VPS13A: variants seen among roughly 807,000 people sequenced by gnomAD.
VPS13A encodes the protein vacuolar protein sorting 13 homolog A.
A neutral mutation model predicts 390.9 loss-of-function variants in VPS13A; 264 were observed. The observed-to-expected ratio is 0.68, with a 90% CI of 0.61 to 0.75. The LOEUF is 0.75. Among genes scored for constraint, VPS13A ranks in the 30% least tolerant of loss-of-function variants. The pLI, the probability that VPS13A is intolerant of heterozygous loss-of-function variation, is 0.00. For synonymous variants in VPS13A, 1,231 were observed against 1,227.1 expected (o/e 1.00, Z -0.07); for missense variants, 3,409 against 3,733.9 (o/e 0.91, Z 2.27).
chr9:77,304,073 G>A (rs570015265), intron 34 of VPS13A, among the ~76,000 whole-genome samples: 1 of 152,266 alleles, frequency 6.6e-6, no homozygotes, highest in Non-Finnish European at 1.5e-5. Context: ...TATCATATGG[G>A]GAGAAACCTT....
chr9:77,401,394 A>C (rs543016905), intron 68 of VPS13A, among the ~76,000 whole-genome samples: 1 of 150,194 alleles, frequency 6.7e-6, no homozygotes, highest in African/African-American at 2.5e-5. Flanking sequence ...GAGGGAGTCA[A>C]TAACATCTTT....
At chr9:77,326,308 T>C (rs1051232666) in intron 45 of VPS13A, among the ~76,000 whole-genome samples, 9 of 152,170 alleles carry the variant, frequency 5.9e-5, no homozygotes, top group African/African-American at 2.2e-4. Flanking sequence ...TGATCAACTT[T>C]AGAAAACTTT....
intron 68 of VPS13A, among the ~76,000 whole-genome samples, chr9:77,394,845 T>C (rs1834059066): frequency 6.6e-6 from 1 of 152,228 alleles, no homozygotes; most frequent in African/African-American, 2.4e-5. Flanking sequence ...CAATCTCTGC[T>C]AGCTTCACCT....
intron 68 of VPS13A, among the ~76,000 whole-genome samples, chr9:77,401,901 A>AATC (rs1260869063): frequency 6.6e-6 from 1 of 152,070 alleles, no homozygotes; most frequent in Non-Finnish European, 1.5e-5. Flanking sequence ...GGTTATTGTT[A>AATC]ATCTCTTACT....
At chr9:77,410,148 C>G (rs1834849090) in intron 71 of VPS13A, among the ~76,000 whole-genome samples, 1 of 152,152 alleles carries the variant, frequency 6.6e-6, no homozygotes, top group Non-Finnish European at 1.5e-5. Flanking sequence ...ATTCAGCATT[C>G]TTAAAGAAAA....
intron 63 of VPS13A, among the ~76,000 whole-genome samples, chr9:77,369,783 T>A (rs909791554): frequency 2.0e-5 from 3 of 152,204 alleles, no homozygotes; most frequent in African/African-American, 7.2e-5. Flanking sequence ...TTATGATTGT[T>A]CTATGTCCTT....
chr9:77,203,620 G>A (rs1227566196), intron 3 of VPS13A, among the ~76,000 whole-genome samples: 1 of 152,138 alleles, frequency 6.6e-6, no homozygotes, highest in East Asian at 1.9e-4. Flanking sequence ...CATTTGTGGT[G>A]AAAATGGCAC....
chr9:77,285,531 TA>T (rs1331528151), intron 31 of VPS13A, among the ~76,000 whole-genome samples: 1 of 152,214 alleles, frequency 6.6e-6, no homozygotes, highest in Non-Finnish European at 1.5e-5. Flanking sequence ...AGTAAAGGCT[TA>T]AAAAAATCCA....
At chr9:77,381,614 A>G (rs904858023) in intron 67 of VPS13A, among the ~76,000 whole-genome samples, 33 of 152,124 alleles carry the variant, frequency 2.2e-4, no homozygotes, top group African/African-American at 8.0e-4. Context: ...TGATAACTAT[A>G]CTTCACAGAA....
intron 31 of VPS13A, 21 bp downstream of exon 31, chr9:77,283,671 A>G: frequency 6.6e-7 from 1 of 1,506,280 alleles, no homozygotes; most frequent in Non-Finnish European, 9.1e-7. Flanking sequence ...TTTTAATTAA[A>G]TAATAGTACA....
chr9:77,414,199 G>A, intron 71 of VPS13A, among the ~76,000 whole-genome samples: 1 of 152,182 alleles, frequency 6.6e-6, no homozygotes, highest in Non-Finnish European at 1.5e-5. Flanking sequence ...CAGGGATCTT[G>A]AACTAGAAAT....
intron 41 of VPS13A, 83 bp downstream of exon 41, chr9:77,318,674 G>A (rs1382371424): frequency 2.4e-6 from 3 of 1,252,496 alleles, no homozygotes; most frequent in East Asian, 2.3e-5. Context: ...GGAATATTAT[G>A]GAATCTTGTG....
chr9:77,298,233 C>T (rs1408899737), intron 33 of VPS13A, among the ~76,000 whole-genome samples: 1 of 152,084 alleles, frequency 6.6e-6, no homozygotes, highest in African/African-American at 2.4e-5. Flanking sequence ...AATATATGTG[C>T]CTAGGTGATG....
chr9:77,213,348 A>G (rs768947971), intron 9 of VPS13A, 34 bp downstream of exon 9: 14 of 1,547,980 alleles, frequency 9.0e-6, no homozygotes, highest in Non-Finnish European at 1.2e-5. Context: ...ATTTGTTGGT[A>G]TCATATTTTG....
Position 77,290,415 on chromosome 9 carries a change from G to C in VPS13A, c.3340-2926G>C, listed in dbSNP as rs115840340. Among the ~76,000 whole-genome samples, 876 of 152,206 alleles carry C rather than the reference G, an allele frequency of 5.8e-3. 12 individuals are homozygous for C. Among genetic ancestry groups the C allele is most frequent in the African/African-American group, 0.02 (845 of 41,526 alleles). On this transcript the variant is annotated intron_variant, in intron 31 of 71. Transcript: ENST00000360280. ...ATATTTGTCCTGTTTGGGCTTTTCT[G>C]AGCTACTTGGATGGATCTGTCTTTC...
At chr9:77,275,404 C>T in intron 24 of VPS13A, 94 bp from the exon 25 acceptor site, 1 of 1,171,716 alleles carries the variant, frequency 8.5e-7, no homozygotes, top group Middle Eastern at 2.6e-4. Context: ...TAAAAGAGAG[C>T]CTTAGTGTTT....
intron 47 of VPS13A, 140 bp from the exon 48 acceptor site, chr9:77,339,376 T>G (rs1196508592): frequency 1.3e-6 from 1 of 774,870 alleles, no homozygotes; most frequent in Non-Finnish European, 2.0e-6. Context: ...AGTTAGAACT[T>G]GAATGTAAGT....
chr9:77,221,103 A>G (rs1823183574), intron 12 of VPS13A, 82 bp from the exon 13 acceptor site: 4 of 1,291,422 alleles, frequency 3.1e-6, no homozygotes, highest in Admixed American at 1.7e-5. Context: ...ATAGTTATGT[A>G]TGTTGTTAGA....
At chr9:77,342,757 C>T (rs560315384) in intron 50 of VPS13A, among the ~76,000 whole-genome samples, 1 of 152,264 alleles carries the variant, frequency 6.6e-6, no homozygotes, top group South Asian at 2.1e-4. Flanking sequence ...TGAAACACTT[C>T]TGGTACCAAG....
Sources: gnomAD v4.1 joint callset for allele counts (sites outside exome capture counted in the v4.1 genomes callset) on GRCh38, gnomAD v4.1.1 for gene constraint, MANE v1.5 for transcripts, NCBI Gene and HGNC (gene_info 2026-07-23, HGNC 2026-07-21) for gene names.